The following TMEM163 variants were observed in gnomAD, a reference collection of about 807,000 sequenced individuals.
TMEM163 encodes transmembrane protein 163.
TMEM163 carries 17 observed loss-of-function variants against 29.3 expected under a neutral mutation model. The observed-to-expected ratio is 0.58, with a 90% CI of 0.40 to 0.87. The LOEUF (loss-of-function observed/expected upper bound fraction) is 0.87, where lower values mean the gene tolerates loss of function less well. Ranked by LOEUF, TMEM163 falls within the 40% of genes least tolerant of loss-of-function variation. The probability of loss-of-function intolerance (pLI) is 0.00; values close to 1 mark genes in which losing one functional copy is unlikely to be tolerated. For missense variants in TMEM163, 303 were observed against 381.5 expected (o/e 0.79, Z 1.71); for synonymous variants, 157 against 160.6 (o/e 0.98, Z 0.17).
intron 5 of TMEM163, among the ~76,000 whole-genome samples, chr2:134,484,872 G>C (rs1330533746): frequency 6.6e-6 from 1 of 152,214 alleles, no homozygotes; most frequent in Admixed American, 6.5e-5. Flanking sequence ...ATGTTACTTA[G>C]AGGTGTGGAG....
intron 2 of TMEM163, among the ~76,000 whole-genome samples, chr2:134,679,346 C>T (rs748884700): frequency 5.3e-5 from 8 of 152,210 alleles, no homozygotes; most frequent in Non-Finnish European, 8.8e-5. Flanking sequence ...CTAGGACAAA[C>T]TCATGCACGT....
chr2:134,683,615 T>TA (rs1457339783), intron 2 of TMEM163, among the ~76,000 whole-genome samples: 3 of 152,168 alleles, frequency 2.0e-5, no homozygotes, highest in Admixed American at 6.5e-5. Flanking sequence ...ACTAAATCCA[T>TA]AATAAGTCAT....
At chr2:134,717,881 G>C (rs773479650) in intron 1 of TMEM163, among the ~76,000 whole-genome samples, 1 of 152,200 alleles carries the variant, frequency 6.6e-6, no homozygotes, top group Admixed American at 6.5e-5. Context: ...GAAGAGAGAC[G>C]CGGGAACGAG....
intron 2 of TMEM163, among the ~76,000 whole-genome samples, chr2:134,621,361 A>G (rs997518341): frequency 6.6e-6 from 1 of 152,258 alleles, no homozygotes; most frequent in African/African-American, 2.4e-5. Context: ...TGGAATGCTT[A>G]TACGATGCTG....
rs189073322 is a variant in TMEM163, at chr2:134,631,354, T to C, written c.323-79263A>G. On this transcript the variant is annotated intron_variant, in intron 2 of 7. Transcript: ENST00000281924. ...ATGACTTTTTTTTCTTGTTCTGTTT[T>C]GTTTTTGTACTGTAATGACATTTTT... is the stretch of plus-strand genomic sequence containing the variant. 2.1e-3 allele frequency among the ~76,000 whole-genome samples: 321 copies of C among 152,362 alleles called. 1 individual carries two copies. Among genetic ancestry groups the C allele is most frequent in the Admixed American group, 4.6e-3 (70 of 15,298 alleles).
chr2:134,626,390 C>T (rs1682851974), intron 2 of TMEM163, among the ~76,000 whole-genome samples: 1 of 152,100 alleles, frequency 6.6e-6, no homozygotes, highest in Admixed American at 6.5e-5. Context: ...CAGGTGTGAG[C>T]CACCATGCCC....
chr2:134,567,999 TC>T (rs1167189236), intron 2 of TMEM163, among the ~76,000 whole-genome samples: 1 of 152,234 alleles, frequency 6.6e-6, no homozygotes, highest in African/African-American at 2.4e-5. Context: ...TGCCATCATA[TC>T]CCAAGCAACT....
chr2:134,460,215 CG>C lies in TMEM163; in HGVS notation c.668-2043del, dbSNP rs1362669174. On this transcript the variant is annotated intron_variant, in intron 6 of 7. Coordinates refer to ENST00000281924, the MANE Select transcript of TMEM163 (RefSeq NM_030923.5). The surrounding 1 kb of genome is among the most constrained non-coding windows in gnomAD (Gnocchi z 4.3). ...CCAGACTCTCCCGCAGGAAAGCCCC[CG>C]TCACGGGCTCAAATCCCACCAGACC... 6.6e-6 allele frequency among the ~76,000 whole-genome samples: 1 copy of C among 152,030 alleles called. No homozygotes were observed. The highest frequency in any genetic ancestry group is 2.4e-5 in the African/African-American group (1 of 41,382).
chr2:134,484,011 G>A lies in TMEM163; in HGVS notation c.556-17786C>T, dbSNP rs150231120. Among the ~76,000 whole-genome samples, 741 of 152,130 alleles carry A rather than the reference G, an allele frequency of 4.9e-3. 3 individuals are homozygous for A. Among genetic ancestry groups the A allele is most frequent in the African/African-American group, 0.017 (706 of 41,514 alleles). ...AAAAAAATTAGCTGGGTGTGGTGGC[G>A]TGCCTGTAATCCCAGCTACTCGGGA... is the stretch of plus-strand genomic sequence containing the variant. On this transcript the variant is annotated intron_variant, in intron 5 of 7. Coordinates refer to ENST00000281924, the MANE Select transcript of TMEM163 (RefSeq NM_030923.5).
chr2:134,463,783 C>G (rs113709653), intron 6 of TMEM163, among the ~76,000 whole-genome samples: 24 of 152,322 alleles, frequency 1.6e-4, no homozygotes, highest in African/African-American at 5.5e-4. Context: ...CTGGTTTCCC[C>G]AGCCAGTGCG....
chr2:134,520,206 T>C (rs571237107), intron 4 of TMEM163, among the ~76,000 whole-genome samples: 63 of 152,258 alleles, frequency 4.1e-4, no homozygotes, highest in African/African-American at 1.5e-3. Flanking sequence ...CAAATCAATG[T>C]CCTAAAAATG....
chr2:134,660,872 G>A (rs908130172), intron 2 of TMEM163, among the ~76,000 whole-genome samples: 7 of 105,326 alleles, frequency 6.6e-5, no homozygotes, highest in Admixed American at 2.7e-4. Context: ...GAAATGAAAG[G>A]CAGCTCTGAG....
intron 2 of TMEM163, among the ~76,000 whole-genome samples, chr2:134,627,488 T>C (rs933833991): frequency 1.3e-5 from 2 of 152,196 alleles, no homozygotes; most frequent in Admixed American, 1.3e-4. Context: ...AATAGAAAAC[T>C]TTTATATTTG....
intron 2 of TMEM163, among the ~76,000 whole-genome samples, chr2:134,580,813 T>C (rs552393047): frequency 6.6e-6 from 1 of 152,274 alleles, no homozygotes; most frequent in East Asian, 1.9e-4. Context: ...CTCAGGGGGC[T>C]GAGGCAGGAG....
At chr2:134,618,013 C>T (rs927303976) in intron 2 of TMEM163, among the ~76,000 whole-genome samples, 2 of 151,954 alleles carry the variant, frequency 1.3e-5, no homozygotes, top group Admixed American at 1.3e-4. Flanking sequence ...GCTTAGAAGG[C>T]TGATGTGGGA....
intron 2 of TMEM163, among the ~76,000 whole-genome samples, chr2:134,564,722 A>G (rs1681258229): frequency 6.6e-6 from 1 of 152,238 alleles, no homozygotes; most frequent in Non-Finnish European, 1.5e-5. Context: ...AAGATGATAC[A>G]CAAATGACCA....
At chr2:134,530,116 G>A (rs1680387384) in intron 4 of TMEM163, among the ~76,000 whole-genome samples, 1 of 152,126 alleles carries the variant, frequency 6.6e-6, no homozygotes, top group Admixed American at 6.5e-5. Flanking sequence ...GTAGAGGCCG[G>A]GGAAGGGGAC....
In TMEM163 at chr2:134,514,225, C is replaced by A. The variant is rs142109643; in HGVS notation, c.459-11228G>T. Among the ~76,000 whole-genome samples, 36 of 152,062 alleles carry A rather than the reference C, an allele frequency of 2.4e-4. No individual in the cohort carries two copies. The East Asian group carries it at 2.7e-3, about 11-fold the overall frequency. Reference sequence around the variant, plus strand: ...CCACCTGTCACAAGAATGAAGAGGCCCAAGACCAGGTTGGTCATGTACTAT... The same window carrying A: ...CCACCTGTCACAAGAATGAAGAGGCACAAGACCAGGTTGGTCATGTACTAT... On this transcript the variant is annotated intron_variant, in intron 4 of 7. Coordinates refer to ENST00000281924, the MANE Select transcript of TMEM163 (RefSeq NM_030923.5).
chr2:134,523,936 T>A (rs546363841), intron 4 of TMEM163, among the ~76,000 whole-genome samples: 5 of 152,284 alleles, frequency 3.3e-5, no homozygotes, highest in African/African-American at 1.2e-4. Context: ...ATCTAGTGGG[T>A]AGAGACCAGG....
Sources: allele counts gnomAD v4.1 joint callset (sites outside exome capture counted in the v4.1 genomes callset), GRCh38; gene constraint gnomAD v4.1.1; non-coding constraint Gnocchi (gnomAD v3.1); transcripts MANE v1.5; gene names NCBI Gene and HGNC (gene_info 2026-07-23, HGNC 2026-07-21).